The following KCNG3 variants were observed in gnomAD, a reference collection of about 807,000 sequenced individuals.
KCNG3 encodes the protein potassium voltage-gated channel modifier subfamily G member 3, also known as voltage-gated potassium channel regulatory subunit KCNG3.
In KCNG3, 15 loss-of-function variants were observed where a neutral mutation model predicts 29.0. The observed-to-expected ratio is 0.52, with a 90% confidence interval of 0.35 to 0.80. The LOEUF (loss-of-function observed/expected upper bound fraction) is 0.80. Ranked by LOEUF, KCNG3 falls within the 30% of genes least tolerant of loss-of-function variation. The pLI is 0.01. For missense variants in KCNG3, 512 were observed against 605.7 expected (o/e 0.85, Z 1.62); for synonymous variants, 322 against 248.9 (o/e 1.29, Z -2.76).
chr2:42,405,616 T>C, the KCNG3 span, among the ~76,000 whole-genome samples: 54 of 151,970 alleles, frequency 3.6e-4, no homozygotes, highest in African/African-American at 1.1e-3. Context: ...TTTTTTTTTT[T>C]TCTCTTTTTG....
chr2:42,428,510 A>T, the KCNG3 span, among the ~76,000 whole-genome samples: 1 of 151,278 alleles, frequency 6.6e-6, no homozygotes. Context: ...TACTGCACTC[A>T]TTTCCTCTAC....
At chr2:42,452,243 A>ATATATATATTTTT in intron 1 of KCNG3, among the ~76,000 whole-genome samples, 193 of 95,022 alleles carry the variant, frequency 2.0e-3, no homozygotes, top group Middle Eastern at 5.5e-3. Context: ...ATATATATAT[A>ATATATATATTTTT]TTTTTTTTTT....
the KCNG3 span, among the ~76,000 whole-genome samples, chr2:42,417,173 G>A: frequency 6.6e-6 from 1 of 152,216 alleles, no homozygotes; most frequent in Admixed American, 6.5e-5. Flanking sequence ...AACCTGGGCA[G>A]TGGAGGTTGC....
the KCNG3 span, among the ~76,000 whole-genome samples, chr2:42,397,106 G>C: frequency 6.6e-6 from 1 of 152,146 alleles, no homozygotes; most frequent in East Asian, 1.9e-4. Context: ...TTAGCCAGGC[G>C]TGGTGGCAGA....
At chr2:42,469,564 A>C (rs1198138202) in intron 1 of KCNG3, among the ~76,000 whole-genome samples, 1 of 152,160 alleles carries the variant, frequency 6.6e-6, no homozygotes, top group African/African-American at 2.4e-5. Context: ...ATCCACGTGA[A>C]TAAAATTAAA....
chr2:42,410,395 G>A, the KCNG3 span, among the ~76,000 whole-genome samples: 1 of 152,142 alleles, frequency 6.6e-6, no homozygotes, highest in Non-Finnish European at 1.5e-5. Context: ...GAATTCTAGA[G>A]AGGTTGAAAC....
chr2:42,489,994 A>G (rs920434045), intron 1 of KCNG3, among the ~76,000 whole-genome samples: 1 of 152,180 alleles, frequency 6.6e-6, no homozygotes, highest in African/African-American at 2.4e-5. Context: ...CACAGAACAC[A>G]TGTACCACAT....
intron 1 of KCNG3, among the ~76,000 whole-genome samples, chr2:42,445,570 C>A (rs550696622): frequency 3.9e-4 from 60 of 152,282 alleles, no homozygotes; most frequent in African/African-American, 1.4e-3. Context: ...AGGATTTTCC[C>A]AAAGACCACA....
the KCNG3 span, among the ~76,000 whole-genome samples, chr2:42,424,152 C>CAGA: frequency 6.6e-6 from 1 of 152,176 alleles, no homozygotes; most frequent in Non-Finnish European, 1.5e-5. Flanking sequence ...TTTCAGCAGA[C>CAGA]AGAAGGACCA....
the KCNG3 span, among the ~76,000 whole-genome samples, chr2:42,398,291 A>T: frequency 6.6e-6 from 1 of 151,840 alleles, no homozygotes; most frequent in African/African-American, 2.4e-5. Flanking sequence ...AAGAAGAAAG[A>T]ATAATACTTG....
chr2:42,476,575 C>T (rs1383787806), intron 1 of KCNG3, among the ~76,000 whole-genome samples: 10 of 151,998 alleles, frequency 6.6e-5, no homozygotes, highest in Admixed American at 3.3e-4. Flanking sequence ...CAACCTCTAC[C>T]TCCCGGGTTC....
At chr2:42,400,368 CT>C in the KCNG3 span, among the ~76,000 whole-genome samples, 1 of 152,206 alleles carries the variant, frequency 6.6e-6, no homozygotes, top group Non-Finnish European at 1.5e-5. Flanking sequence ...ATGCTTTAAA[CT>C]CTACCAAGCT....
the KCNG3 span, among the ~76,000 whole-genome samples, chr2:42,391,754 C>T: frequency 6.6e-6 from 1 of 150,656 alleles, no homozygotes; most frequent in Non-Finnish European, 1.5e-5. Context: ...AGGCGCCCGC[C>T]ACTACGCCCG....
At chr2:42,482,990 G>A (rs1227944509) in intron 1 of KCNG3, among the ~76,000 whole-genome samples, 1 of 151,848 alleles carries the variant, frequency 6.6e-6, no homozygotes, top group East Asian at 1.9e-4. Context: ...GCACGGTGGT[G>A]TGTGCCTGTA....
At chr2:42,392,009 C>A in the KCNG3 span, among the ~76,000 whole-genome samples, 1 of 152,140 alleles carries the variant, frequency 6.6e-6, no homozygotes, top group Non-Finnish European at 1.5e-5. Flanking sequence ...ATTTTTCCTA[C>A]CAAAGATACA....
At chr2:42,405,823 G>C in the KCNG3 span, among the ~76,000 whole-genome samples, 1 of 152,194 alleles carries the variant, frequency 6.6e-6, no homozygotes, top group African/African-American at 2.4e-5. Flanking sequence ...AGCCAGGATG[G>C]TCTCGATCTC....
At chr2:42,464,480 C>A (rs755710128) in intron 1 of KCNG3, among the ~76,000 whole-genome samples, 4 of 152,096 alleles carry the variant, frequency 2.6e-5, no homozygotes, top group Non-Finnish European at 5.9e-5. Flanking sequence ...CAAAAACATT[C>A]GCAGTACTAA....
In KCNG3 at chr2:42,452,243, A is replaced by ATATATATATATATATAT; in HGVS notation, c.666-7665_666-7664insATATATATATATATATA. Among the ~76,000 whole-genome samples, 60 of 95,038 alleles carry ATATATATATATATATAT rather than the reference A, an allele frequency of 6.3e-4. No individual in the cohort carries two copies. In the East Asian group the frequency reaches 6.4e-3, roughly 10 times the overall value. The allele number at this position is 95,038 out of a possible 152,430, so 62.3% of individuals were successfully genotyped here. A position where few individuals can be genotyped will look rare whatever the true frequency, so the allele number is the denominator to read the frequency against. ...TAAATATATATATATATATATATAT[A>ATATATATATATATATAT]TTTTTTTTTTTTTTTTAAAGGAAAC... On this transcript the variant is annotated intron_variant, in intron 1 of 1. Transcript: ENST00000306078.
At chr2:42,409,689 G>C in the KCNG3 span, among the ~76,000 whole-genome samples, 1 of 114,818 alleles carries the variant, frequency 8.7e-6, no homozygotes, top group African/African-American at 3.6e-5. Flanking sequence ...GGGTGACAGA[G>C]TGCCTGTCTC....
Sources: gnomAD v4.1 joint callset for allele counts (sites outside exome capture counted in the v4.1 genomes callset) on GRCh38, gnomAD v4.1.1 for gene constraint, MANE v1.5 for transcripts, NCBI Gene and HGNC (gene_info 2026-07-23, HGNC 2026-07-21) for gene names.